CLCN5: variants seen among roughly 807,000 people sequenced by gnomAD.
CLCN5 encodes the protein H(+)/Cl(-) exchange transporter 5.
In CLCN5, 17 loss-of-function variants were observed where a neutral mutation model predicts 54.0. The observed-to-expected ratio is 0.31, with a 90% CI of 0.22 to 0.47. The LOEUF (loss-of-function observed/expected upper bound fraction) is 0.47, where lower values mean the gene tolerates loss of function less well. Among genes scored for constraint, CLCN5 ranks in the 20% least tolerant of loss-of-function variants. The pLI, the probability that CLCN5 is intolerant of heterozygous loss-of-function variation, is 1.00. For synonymous variants in CLCN5, 222 were observed against 233.0 expected (o/e 0.95, Z 0.43); for missense variants, 448 against 646.7 (o/e 0.69, Z 3.33).
chrX:49,960,566 C>G (rs1367952399), intron 3 of CLCN5, among the ~76,000 whole-genome samples: 5 of 108,760 alleles, frequency 4.6e-5, no homozygotes, highest in African/African-American at 1.7e-4. Context: ...AAGAGAGAGC[C>G]CATTGGTCAC....
At chrX:49,989,744 T>C (rs1557178672) in intron 3 of CLCN5, among the ~76,000 whole-genome samples, 1 of 112,059 alleles carries the variant, frequency 8.9e-6, no homozygotes, top group African/African-American at 3.3e-5. Context: ...TCTGATTTTA[T>C]GGTTCCATGG....
At position 50,086,369 on chromosome X, in the gene CLCN5, C is replaced by T; in HGVS notation, c.1056C>T (p.Phe352=). The T allele has an allele frequency of 1.7e-6, 2 of 1,210,396 alleles. No individual in the cohort carries two copies. The highest frequency in any genetic ancestry group is 1.7e-5 in the African/African-American group (1 of 57,810). ...YFPLKTLWRS[F]FAALVAAFTL... ...CCCTCAAAACATTGTGGCGTTCATT[C>T]TTTGCTGCCTTGGTGGCAGCATTCA... The change falls in exon 11 of 15, where the codon TTC becomes TTT. Residue 352 remains phenylalanine (F), a synonymous_variant. Coordinates refer to ENST00000376091, the MANE Select transcript of CLCN5 (RefSeq NM_001127898.4).
chrX:50,079,126 C>G (rs1202628519), intron 7 of CLCN5, among the ~76,000 whole-genome samples: 1 of 111,951 alleles, frequency 8.9e-6, no homozygotes, highest in African/African-American at 3.3e-5. Flanking sequence ...AAATTGCCCT[C>G]CTGGTCTCTG....
intron 10 of CLCN5, 87 bp downstream of exon 10, chrX:50,086,147 C>T: frequency 1.1e-6 from 1 of 900,853 alleles, no homozygotes; most frequent in East Asian, 3.1e-5. Flanking sequence ...ACATAATGTA[C>T]AATATCTGTG....
intron 4 of CLCN5, among the ~76,000 whole-genome samples, chrX:50,055,628 T>C (rs1932720442): frequency 9.0e-6 from 1 of 111,711 alleles, no homozygotes; most frequent in Non-Finnish European, 1.9e-5. Context: ...TTTTTTCTTT[T>C]CAAAATCACT....
In CLCN5 at chrX:50,082,001, G is replaced by A. The variant is rs539057679; in HGVS notation, c.933+154G>A. Among the ~76,000 whole-genome samples the A allele has an allele frequency of 1.5e-4, 17 of 111,824 alleles. No homozygotes were observed. The South Asian group carries it at 6.4e-3, about 42-fold the overall frequency. Reference sequence around the variant, plus strand: ...AGGAATTTATCCTACAGATATCCTAGCATGTGTGTGCACAAAGGTGTATAA... The same window carrying A: ...AGGAATTTATCCTACAGATATCCTAACATGTGTGTGCACAAAGGTGTATAA... On this transcript the variant is annotated intron_variant, in intron 9 of 14. Transcript: ENST00000376091.
At chrX:49,982,968 T>C (rs782723694) in intron 3 of CLCN5, among the ~76,000 whole-genome samples, 7 of 111,968 alleles carry the variant, frequency 6.3e-5, no homozygotes, top group Non-Finnish European at 1.3e-4. Context: ...TGGATGTTTT[T>C]CCCCCAGCAT....
intron 8 of CLCN5, 103 bp from the exon 9 acceptor site, chrX:50,081,538 C>A: frequency 1.6e-6 from 1 of 621,829 alleles, no homozygotes; most frequent in Non-Finnish European, 2.7e-6. Flanking sequence ...TTATATGTCA[C>A]TTATTCAAAA....
intron 3 of CLCN5, among the ~76,000 whole-genome samples, chrX:50,017,802 G>A (rs1189030191): frequency 9.0e-6 from 1 of 110,622 alleles, no homozygotes; most frequent in African/African-American, 3.3e-5. Context: ...TATTTTTGTG[G>A]GTATATTTCT....
chrX:50,037,760 G>C (rs1932060622), intron 3 of CLCN5, among the ~76,000 whole-genome samples: 1 of 112,218 alleles, frequency 8.9e-6, no homozygotes, highest in South Asian at 3.7e-4. Flanking sequence ...TGTTATGTTG[G>C]ATTGGAATCA....
intron 11 of CLCN5, among the ~76,000 whole-genome samples, chrX:50,087,802 T>C (rs1438247704): frequency 8.9e-6 from 1 of 112,089 alleles, no homozygotes; most frequent in Non-Finnish European, 1.9e-5. Flanking sequence ...AAAGGGAATT[T>C]GTAAACCATC....
intron 3 of CLCN5, among the ~76,000 whole-genome samples, chrX:50,028,054 T>C (rs1401873027): frequency 2.7e-5 from 3 of 112,038 alleles, no homozygotes; most frequent in African/African-American, 9.7e-5. Flanking sequence ...GTTGAGAGAA[T>C]GGAAGCATTC....
chrX:49,957,859 C>G (rs1303234867), intron 3 of CLCN5, among the ~76,000 whole-genome samples: 2 of 111,590 alleles, frequency 1.8e-5, no homozygotes, highest in African/African-American at 6.5e-5. Context: ...CCTCCAGATT[C>G]CTCCAGTGAT....
chrX:49,981,045 A>T (rs782266848), intron 3 of CLCN5, among the ~76,000 whole-genome samples: 1 of 111,622 alleles, frequency 9.0e-6, no homozygotes, highest in South Asian at 3.7e-4. Context: ...AGTCATATTC[A>T]TCACGCATAG....
intron 3 of CLCN5, among the ~76,000 whole-genome samples, chrX:50,029,797 G>C (rs1007802925): frequency 8.9e-6 from 1 of 112,026 alleles, no homozygotes; most frequent in African/African-American, 3.2e-5. Flanking sequence ...GGACTGTAAA[G>C]TAGTTCAACC....
At chrX:49,993,304 C>A (rs1159609792) in intron 3 of CLCN5, among the ~76,000 whole-genome samples, 2 of 111,858 alleles carry the variant, frequency 1.8e-5, no homozygotes, top group Non-Finnish European at 3.8e-5. Context: ...AGCAGTTTTT[C>A]CACATATAAG....
intron 3 of CLCN5, among the ~76,000 whole-genome samples, chrX:50,015,583 G>A (rs1486446352): frequency 1.8e-5 from 2 of 108,882 alleles, no homozygotes; most frequent in Non-Finnish European, 3.8e-5. Flanking sequence ...CTCTCTGTCC[G>A]TCTCTCCATC....
intron 3 of CLCN5, among the ~76,000 whole-genome samples, chrX:49,942,368 G>A (rs1557171127): frequency 9.4e-6 from 1 of 106,571 alleles, no homozygotes; most frequent in Non-Finnish European, 1.9e-5. Flanking sequence ...GACTTTCTGA[G>A]TATGTTTTCC....
At chrX:50,089,132 A>T (rs1283652058) in intron 12 of CLCN5, among the ~76,000 whole-genome samples, 3 of 112,526 alleles carry the variant, frequency 2.7e-5, no homozygotes, top group Non-Finnish European at 3.7e-5. Context: ...AGAAATTTAG[A>T]CAAAGATATC....
Sources: allele counts gnomAD v4.1 joint callset (sites outside exome capture counted in the v4.1 genomes callset), GRCh38; gene constraint gnomAD v4.1.1; transcripts MANE v1.5; gene names NCBI Gene and HGNC (gene_info 2026-07-23, HGNC 2026-07-21).